The following IL33 variants were observed in gnomAD, a reference collection of about 807,000 sequenced individuals.
IL33 encodes interleukin 33, also known as interleukin-33.
IL33 carries 37 observed loss-of-function variants against 27.3 expected under a neutral mutation model. That is an observed-to-expected ratio of 1.36 (90% confidence interval 1.04 to 1.78). The LOEUF (loss-of-function observed/expected upper bound fraction) is 1.78. Ranked by LOEUF, IL33 falls within the 40% of genes most tolerant of loss-of-function variation. The pLI, the probability that IL33 is intolerant of heterozygous loss-of-function variation, is 0.00. For synonymous variants in IL33, 132 were observed against 102.9 expected, an observed-to-expected ratio of 1.28 and a Z score of -1.71; for missense variants, 406 against 311.4, an observed-to-expected ratio of 1.30 and a Z score of -2.29.
At chr9:6,245,363 G>C (rs1456060664) in intron 2 of IL33, among the ~76,000 whole-genome samples, 1 of 152,208 alleles carries the variant, frequency 6.6e-6, no homozygotes, top group South Asian at 2.1e-4. Context: ...TAGTTGGCTA[G>C]AACTGAGTAG....
chr9:6,228,480 AC>A (rs1191903702), intron 1 of IL33, among the ~76,000 whole-genome samples: 1 of 152,076 alleles, frequency 6.6e-6, no homozygotes, highest in African/African-American at 2.4e-5. Flanking sequence ...TTAGAGTTAA[AC>A]TAAAACCAAA....
intron 1 of IL33, among the ~76,000 whole-genome samples, chr9:6,236,873 A>AAAAT (rs1319129617): frequency 1.3e-5 from 2 of 152,232 alleles, no homozygotes; most frequent in Admixed American, 6.5e-5. Context: ...TCTGTCTCAA[A>AAAAT]AAATAAATAA....
intron 1 of IL33, among the ~76,000 whole-genome samples, chr9:6,228,667 G>T (rs1178566008): frequency 1.3e-5 from 2 of 151,812 alleles, no homozygotes; most frequent in African/African-American, 2.4e-5. Context: ...GACCAGCCTG[G>T]GCAACAAAGC....
chr9:6,234,499 C>T (rs1265642033), intron 1 of IL33, among the ~76,000 whole-genome samples: 1 of 152,200 alleles, frequency 6.6e-6, no homozygotes, highest in Non-Finnish European at 1.5e-5. Flanking sequence ...TTGTGGCAGA[C>T]GTGCCCCTAA....
intron 1 of IL33, among the ~76,000 whole-genome samples, chr9:6,239,644 T>G (rs145957893): frequency 1.3e-5 from 2 of 152,170 alleles, no homozygotes; most frequent in Non-Finnish European, 2.9e-5. Context: ...TTTCATTTAT[T>G]AAACTTCTGC....
rs1437882578 is a variant in IL33 at position 6,229,121 on chromosome 9, G to T, written c.-11-12563G>T. ...GAAGGAAATAAATGAGCTAAATGAG[G>T]AACCTGTACAGGAGCACAGGAAAGA... On this transcript the variant is annotated intron_variant, in intron 1 of 7. Coordinates refer to ENST00000682010, the MANE Select transcript of IL33 (RefSeq NM_033439.4). Among the ~76,000 whole-genome samples the T allele has an allele frequency of 2.6e-5, 4 of 152,126 alleles. No homozygotes were observed. The South Asian group carries it at 8.3e-4, about 32-fold the overall frequency.
At chr9:6,216,108 C>T (rs1818130032) in intron 1 of IL33, among the ~76,000 whole-genome samples, 1 of 151,412 alleles carries the variant, frequency 6.6e-6, no homozygotes, top group Non-Finnish European at 1.5e-5. Context: ...AATTCTGCCC[C>T]CTCCATGAAA....
chr9:6,215,510 C>A (rs12343534), upstream of IL33, among the ~76,000 whole-genome samples: 3,269 of 152,224 alleles, frequency 0.021, 120 homozygotes, highest in African/African-American at 0.074. Flanking sequence ...TAAATGGCAA[C>A]AGAATTTCAA....
chr9:6,236,902 C>G (rs184402517), intron 1 of IL33, among the ~76,000 whole-genome samples: 1 of 152,134 alleles, frequency 6.6e-6, no homozygotes, highest in African/African-American at 2.4e-5. Context: ...AATGAAAGTG[C>G]TACAGCTAAA....
At chr9:6,226,186 A>T (rs907012913) in intron 1 of IL33, among the ~76,000 whole-genome samples, 5 of 150,690 alleles carry the variant, frequency 3.3e-5, no homozygotes, top group Non-Finnish European at 7.4e-5. Flanking sequence ...TTTTTTAATT[A>T]TTTTTTTTTA....
rs185775049 is a variant in IL33 at position 6,250,501 on chromosome 9, G to C, written c.119G>C (p.Cys40Ser). 1.4e-5 allele frequency: 23 copies of C among 1,613,706 alleles called. No homozygotes were observed. Among genetic ancestry groups the C allele is most frequent in the African/African-American group, 2.7e-5 (2 of 75,024 alleles). The change falls in exon 3 of 8, where the codon TGC becomes TCC. Residue 40 changes from cysteine to serine, a missense_variant. Coordinates refer to ENST00000682010, the MANE Select transcript of IL33 (RefSeq NM_033439.4). Reference protein sequence around the residue: ...GKSQQKAKEVCPMYFMKLRSG... With the variant: ...GKSQQKAKEVSPMYFMKLRSG... ...TCCCAACAGAAGGCCAAAGAAGTTT[G>C]CCCCATGTACTTTATGAAGCTCCGC...
At chr9:6,240,845 T>C (rs766463820) in intron 1 of IL33, among the ~76,000 whole-genome samples, 1 of 152,210 alleles carries the variant, frequency 6.6e-6, no homozygotes, top group Non-Finnish European at 1.5e-5. Flanking sequence ...TTTTGACTCT[T>C]GTAATAACAC....
At chr9:6,217,240 T>C (rs1390560760) in intron 1 of IL33, among the ~76,000 whole-genome samples, 1 of 152,156 alleles carries the variant, frequency 6.6e-6, no homozygotes, top group Non-Finnish European at 1.5e-5. Flanking sequence ...TTATTTACAG[T>C]AGTCACTGGG....
chr9:6,228,846 CA>C (rs386414378), intron 1 of IL33, among the ~76,000 whole-genome samples: 16,078 of 135,694 alleles, frequency 0.12, 1,165 homozygotes, highest in Non-Finnish European at 0.17. Context: ...AACACTGACT[CA>C]AAAAAAAAAA....
intron 2 of IL33, among the ~76,000 whole-genome samples, 170 bp from the exon 3 acceptor site, chr9:6,250,304 T>C (rs1185493749): frequency 6.6e-6 from 1 of 152,204 alleles, no homozygotes; most frequent in African/African-American, 2.4e-5. Flanking sequence ...TGCTCTATAT[T>C]ACAATCCTAA....
intron 1 of IL33, among the ~76,000 whole-genome samples, chr9:6,241,074 A>C (rs1189462997): frequency 6.6e-6 from 1 of 152,262 alleles, no homozygotes; most frequent in Admixed American, 6.5e-5. Flanking sequence ...ATCTTGCCCT[A>C]CTGGAAGTTC....
chr9:6,217,304 G>C (rs935459694), intron 1 of IL33, among the ~76,000 whole-genome samples: 3 of 152,124 alleles, frequency 2.0e-5, no homozygotes, highest in Admixed American at 6.6e-5. Context: ...ATTTTACTAT[G>C]CCTACATCTT....
chr9:6,251,630 T>C (rs994358970), intron 4 of IL33, among the ~76,000 whole-genome samples: 2 of 152,158 alleles, frequency 1.3e-5, no homozygotes, highest in African/African-American at 4.8e-5. Flanking sequence ...TTTTTAAATA[T>C]AATTCTAACA....
chr9:6,238,491 A>G (rs1444222826), intron 1 of IL33, among the ~76,000 whole-genome samples: 1 of 152,196 alleles, frequency 6.6e-6, no homozygotes, highest in Non-Finnish European at 1.5e-5. Flanking sequence ...CATGCACATA[A>G]TGTTATAGCA....
Sources: gnomAD v4.1 joint callset for allele counts (sites outside exome capture counted in the v4.1 genomes callset) on GRCh38, gnomAD v4.1.1 for gene constraint, MANE v1.5 for transcripts, NCBI Gene and HGNC (gene_info 2026-07-23, HGNC 2026-07-21) for gene names.